Variants in STXBP5 observed in about 807,000 individuals in gnomAD.
STXBP5 encodes syntaxin-binding protein 5.
Under a neutral mutation model 152.4 loss-of-function variants are expected in STXBP5, and 50 were observed. The ratio of observed to expected loss-of-function variants is 0.33; its 90% CI spans 0.26 to 0.42. The LOEUF (loss-of-function observed/expected upper bound fraction) is 0.42, where lower values mean the gene tolerates loss of function less well. Ranked by LOEUF, STXBP5 falls within the 10% of genes least tolerant of loss-of-function variation. The probability of loss-of-function intolerance (pLI) is 1.00; values close to 1 mark genes in which losing one functional copy is unlikely to be tolerated. For synonymous variants in STXBP5, 492 were observed against 494.7 expected, an observed-to-expected ratio of 0.99 and a Z score of 0.07; for missense variants, 1,167 against 1,388.6, an observed-to-expected ratio of 0.84 and a Z score of 2.54.
intron 4 of STXBP5, among the ~76,000 whole-genome samples, chr6:147,253,294 C>T (rs538697249): frequency 6.6e-6 from 1 of 152,216 alleles, no homozygotes; most frequent in East Asian, 1.9e-4. Flanking sequence ...AACTAGGTGT[C>T]GATGGAACGT....
chr6:147,252,496 TTAAA>T (rs1779147091), intron 4 of STXBP5, among the ~76,000 whole-genome samples: 1 of 151,818 alleles, frequency 6.6e-6, no homozygotes. Context: ...GAAGATCAAC[TTAAA>T]TAAAGCATGA....
intron 21 of STXBP5, among the ~76,000 whole-genome samples, chr6:147,349,919 T>A (rs1008211555): frequency 2.0e-5 from 3 of 152,322 alleles, no homozygotes; most frequent in African/African-American, 7.2e-5. Flanking sequence ...AATGTTGTCA[T>A]TTCAAGTTCT....
intron 4 of STXBP5, among the ~76,000 whole-genome samples, chr6:147,257,697 G>C (rs618474): frequency 0.48 from 72,281 of 151,992 alleles, 17,411 homozygotes; most frequent in East Asian, 0.73. Flanking sequence ...TTGGGGTCTT[G>C]TTAACTCTAG....
At chr6:147,267,059 A>C (rs1337964859) in intron 6 of STXBP5, 25 bp from the exon 7 acceptor site, 1 of 1,567,544 alleles carries the variant, frequency 6.4e-7, no homozygotes, top group East Asian at 2.2e-5. Context: ...ATTCCTAGGT[A>C]ATGTGCCTTT....
chr6:147,374,167 A>G (rs566857574), intron 26 of STXBP5, among the ~76,000 whole-genome samples: 32 of 152,322 alleles, frequency 2.1e-4, no homozygotes, highest in African/African-American at 7.5e-4. Flanking sequence ...TAACTTTGAA[A>G]AAGTTTTTAC....
intron 2 of STXBP5, among the ~76,000 whole-genome samples, chr6:147,219,799 GTT>G (rs35444906): frequency 8.7e-4 from 75 of 86,112 alleles, no homozygotes; most frequent in African/African-American, 2.9e-3. Flanking sequence ...CTAGAAGCTT[GTT>G]TTTTTTTTTT....
In STXBP5 at chr6:147,262,161, C is replaced by G. The variant is rs1050927509; in HGVS notation, c.567-129C>G. The G allele has an allele frequency of 8.0e-6, 5 of 627,382 alleles. No homozygotes were observed. The African/African-American group carries it at 9.7e-5, about 12-fold the overall frequency. 38.9% of individuals were successfully genotyped at this position (627,382 alleles called of 1,614,324 possible). The stretch of plus-strand genomic sequence containing the variant: ...TAAGAACTATATGCCTATTATTTAT[C>G]TCTTGCTGAAATCCTTTCTTTCTTT... On this transcript the variant is annotated intron_variant, in intron 5 of 27. Coordinates refer to ENST00000321680, the MANE Select transcript of STXBP5 (RefSeq NM_001127715.4).
chr6:147,353,748 CTTAAAA>C (rs1784694809), intron 22 of STXBP5, among the ~76,000 whole-genome samples: 2 of 152,022 alleles, frequency 1.3e-5, no homozygotes, highest in Non-Finnish European at 2.9e-5. Context: ...TAATGAAATA[CTTAAAA>C]TTTAAAATAG....
At chr6:147,280,040 C>A (rs1780627928) in intron 8 of STXBP5, among the ~76,000 whole-genome samples, 1 of 148,630 alleles carries the variant, frequency 6.7e-6, no homozygotes, top group Non-Finnish European at 1.5e-5. Context: ...CAATGTGGTG[C>A]TGATTCACTT....
At chr6:147,330,397 T>G (rs1030453441) in intron 18 of STXBP5, among the ~76,000 whole-genome samples, 24 of 152,250 alleles carry the variant, frequency 1.6e-4, no homozygotes, top group African/African-American at 1.7e-4. Context: ...ATGAAAGCTA[T>G]TATTATAATA....
chr6:147,287,133 C>G (rs1781006140), intron 8 of STXBP5, among the ~76,000 whole-genome samples: 1 of 147,872 alleles, frequency 6.8e-6, no homozygotes, highest in Non-Finnish European at 1.5e-5. Flanking sequence ...TTAATCCCCT[C>G]AAACATTTAT....
At chr6:147,291,331 A>G (rs1781266118) in intron 9 of STXBP5, among the ~76,000 whole-genome samples, 159 bp downstream of exon 9, 1 of 152,104 alleles carries the variant, frequency 6.6e-6, no homozygotes, top group Non-Finnish European at 1.5e-5. Context: ...AAATTGGTAA[A>G]TTTAGGATAA....
chr6:147,333,585 C>T (rs935542185), intron 18 of STXBP5, among the ~76,000 whole-genome samples: 1 of 152,106 alleles, frequency 6.6e-6, no homozygotes, highest in African/African-American at 2.4e-5. Context: ...ATGAAAAAAA[C>T]TAATATGTGC....
intron 2 of STXBP5, among the ~76,000 whole-genome samples, chr6:147,233,896 A>G (rs1394612329): frequency 2.7e-5 from 4 of 149,706 alleles, no homozygotes; most frequent in African/African-American, 9.7e-5. Flanking sequence ...TACTACTATT[A>G]CTACTAACAA....
intron 2 of STXBP5, among the ~76,000 whole-genome samples, chr6:147,226,999 G>A (rs910029739): frequency 9.2e-5 from 14 of 152,130 alleles, no homozygotes; most frequent in African/African-American, 3.4e-4. Context: ...ACACAAGTCT[G>A]TGTAGTAGTG....
At chr6:147,234,167 C>G (rs1030379694) in intron 2 of STXBP5, among the ~76,000 whole-genome samples, 1 of 151,850 alleles carries the variant, frequency 6.6e-6, no homozygotes, top group East Asian at 1.9e-4. Context: ...AATTTATATA[C>G]TGGCAACTAT....
intron 26 of STXBP5, among the ~76,000 whole-genome samples, chr6:147,375,383 A>G (rs964787454): frequency 2.6e-5 from 4 of 152,106 alleles, no homozygotes; most frequent in Admixed American, 6.6e-5. Context: ...GACCTGAAAT[A>G]CTCAAAAACT....
chr6:147,266,747 T>G (rs1779911657), intron 6 of STXBP5, among the ~76,000 whole-genome samples: 1 of 152,086 alleles, frequency 6.6e-6, no homozygotes, highest in Non-Finnish European at 1.5e-5. Flanking sequence ...AATATATAGT[T>G]GGAATAGATG....
chr6:147,235,116 C>A, intron 2 of STXBP5, 134 bp from the exon 3 acceptor site: 1 of 677,118 alleles, frequency 1.5e-6, no homozygotes, highest in Non-Finnish European at 2.5e-6. Flanking sequence ...ACAAACCTAA[C>A]TCTAAATCTC....
Sources: gnomAD v4.1 joint callset for allele counts (sites outside exome capture counted in the v4.1 genomes callset) on GRCh38, gnomAD v4.1.1 for gene constraint, MANE v1.5 for transcripts, NCBI Gene and HGNC (gene_info 2026-07-23, HGNC 2026-07-21) for gene names.